TENM3: variants seen among roughly 807,000 people sequenced by gnomAD.
TENM3 encodes teneurin-3.
Under a neutral mutation model 255.1 loss-of-function variants are expected in TENM3, and 63 were observed. The ratio of observed to expected loss-of-function variants is 0.25; its 90% confidence interval spans 0.20 to 0.30. The LOEUF is 0.30. Ranked by LOEUF, TENM3 falls within the 10% of genes least tolerant of loss-of-function variation. The pLI, the probability that TENM3 is intolerant of heterozygous loss-of-function variation, is 1.00. For missense variants in TENM3, 2,929 were observed against 3,461.1 expected (o/e 0.85, Z 3.86); for synonymous variants, 1,306 against 1,322.3 (o/e 0.99, Z 0.27).
rs755334615 is a variant in TENM3, at chr4:182,616,053, C to T, written c.750-12598C>T. Among the ~76,000 whole-genome samples the T allele has an allele frequency of 1.1e-4, 17 of 152,294 alleles. No individual in the cohort carries two copies. The Middle Eastern group carries it at 0.017, about 152-fold the overall frequency. The stretch of plus-strand genomic sequence containing the variant: ...CCCAGACCTACTGTTGTAACAAGCC[C>T]GCCAGGTTACTCTGATGTAAGCTAA... On this transcript the variant is annotated intron_variant, in intron 4 of 27. Coordinates refer to ENST00000511685, the MANE Select transcript of TENM3 (RefSeq NM_001080477.4).
intron 3 of TENM3, among the ~76,000 whole-genome samples, chr4:182,487,000 A>G (rs544938204): frequency 1.1e-4 from 17 of 152,248 alleles, no homozygotes; most frequent in African/African-American, 3.6e-4. Context: ...CTCTTCCTCT[A>G]TGTGAGTCAT....
intron 1 of TENM3, among the ~76,000 whole-genome samples, chr4:182,310,038 T>C (rs1762353906): frequency 6.6e-6 from 1 of 152,252 alleles, no homozygotes; most frequent in Admixed American, 6.5e-5. Context: ...TTAAGTAACC[T>C]GTCCAAGGCC....
At chr4:182,243,164 G>T (rs898705544), upstream of TENM3, among the ~76,000 whole-genome samples, 2 of 152,160 alleles carry the variant, frequency 1.3e-5, no homozygotes, top group Admixed American at 6.5e-5. Flanking sequence ...GCTCAGGCTG[G>T]AGTGCAGTTG....
the TENM3 span, among the ~76,000 whole-genome samples, chr4:181,841,008 T>C: frequency 6.6e-6 from 1 of 152,128 alleles, no homozygotes; most frequent in East Asian, 1.9e-4. Context: ...TTTTAGGAAA[T>C]GTCAATGCTT....
chr4:181,957,063 G>C, the TENM3 span, among the ~76,000 whole-genome samples: 1 of 152,108 alleles, frequency 6.6e-6, no homozygotes, highest in Admixed American at 6.6e-5. Flanking sequence ...ATTTCAGTTG[G>C]CATTGCTGGA....
In TENM3 at chr4:182,446,308, T is replaced by C. The variant is rs570050268; in HGVS notation, c.511+99379T>C. 2.0e-5 allele frequency among the ~76,000 whole-genome samples: 3 copies of C among 152,308 alleles called. No individual in the cohort carries two copies. In the South Asian group the frequency reaches 6.2e-4, roughly 32 times the overall value. On this transcript the variant is annotated intron_variant, in intron 3 of 27. Coordinates refer to ENST00000511685, the MANE Select transcript of TENM3 (RefSeq NM_001080477.4). The stretch of plus-strand genomic sequence containing the variant: ...TGTAGAATACTCCAGTACACTCCAA[T>C]ATAAAATTTTGCCTAACCTGTATGT...
chr4:182,473,470 G>A (rs572632707), intron 3 of TENM3, among the ~76,000 whole-genome samples: 1 of 152,234 alleles, frequency 6.6e-6, no homozygotes, highest in East Asian at 1.9e-4. Context: ...TCAGGAGATC[G>A]AGACCATGCT....
chr4:182,737,948 G>A (rs1579296557), intron 17 of TENM3, among the ~76,000 whole-genome samples: 2 of 151,964 alleles, frequency 1.3e-5, no homozygotes, highest in East Asian at 3.9e-4. Context: ...GTCATAATCT[G>A]GCTAGCTTTT....
intron 3 of TENM3, among the ~76,000 whole-genome samples, chr4:182,390,739 A>G (rs1465016078): frequency 2.0e-5 from 3 of 152,202 alleles, no homozygotes; most frequent in Admixed American, 1.3e-4. Context: ...GTCAGTTTAT[A>G]GATCATCTCA....
chr4:182,271,685 T>A (rs1759638748), intron 1 of TENM3, among the ~76,000 whole-genome samples: 1 of 152,226 alleles, frequency 6.6e-6, no homozygotes, highest in African/African-American at 2.4e-5. Flanking sequence ...TTTACGGGGC[T>A]TCCCATCTTC....
Position 182,754,288 on chromosome 4 carries a change from A to G in TENM3, c.4018-97A>G. 7.7e-7 allele frequency: 1 copy of G among 1,303,188 alleles called. No homozygotes were observed. The highest frequency in any genetic ancestry group is 1.0e-6 in the Non-Finnish European group (1 of 967,988). 80.7% of individuals were successfully genotyped at this position (1,303,188 alleles called of 1,614,324 possible). On this transcript the variant is annotated intron_variant, in intron 21 of 27. Coordinates refer to ENST00000511685, the MANE Select transcript of TENM3 (RefSeq NM_001080477.4). The surrounding 1 kb of genome is among the most constrained non-coding windows in gnomAD (Gnocchi z 5.1). ...ACTATTATCAGACAGTTTATCTCAG[A>G]TTAATGCCAATTTCCCTGAATGGTC...
chr4:182,751,929 T>G lies in TENM3; in HGVS notation c.3759T>G (p.Asn1253Lys). ...CGGGGGCAAAAGACTTGACTAAAAA[T>G]GCAGAAGTCGTCGCAGGGACAGGGG... ...SLTGAKDLTK[N>K]AEVVAGTGEQ... Residue 1253 changes from asparagine to lysine, a missense_variant, in exon 20 of 28, where the codon AAT becomes AAG. Asn to Lys is a moderately conservative substitution (Grantham distance 94, BLOSUM62 0). Transcript: ENST00000511685. The G allele has an allele frequency of 1.2e-6, 2 of 1,613,890 alleles. No homozygotes were observed. The highest frequency in any genetic ancestry group is 1.7e-6 in the Non-Finnish European group (2 of 1,179,882).
the TENM3 span, among the ~76,000 whole-genome samples, chr4:181,856,135 AGAAGGAAG>A: frequency 5.2e-5 from 6 of 115,366 alleles, no homozygotes; most frequent in Non-Finnish European, 5.7e-5. Flanking sequence ...GAAAGAAGGA[AGAAGGAAG>A]GAAGGAAGGA....
At chr4:182,224,296 G>A (rs1463485770) in intron 1 of TENM3, among the ~76,000 whole-genome samples, 1 of 152,106 alleles carries the variant, frequency 6.6e-6, no homozygotes, top group African/African-American at 2.4e-5. Context: ...AGGAAATCCT[G>A]GCTTTGCTAA....
chr4:182,559,231 TG>T (rs1262795324), intron 3 of TENM3, among the ~76,000 whole-genome samples: 1 of 151,598 alleles, frequency 6.6e-6, no homozygotes, highest in East Asian at 1.9e-4. Context: ...AAGCAGTTTA[TG>T]TTGTAGATAT....
At chr4:181,645,207 A>G in the TENM3 span, among the ~76,000 whole-genome samples, 3 of 152,216 alleles carry the variant, frequency 2.0e-5, no homozygotes, top group African/African-American at 7.2e-5. Flanking sequence ...GGATGTTAGA[A>G]GCTTTTGGAA....
At chr4:181,511,931 GC>G in the TENM3 span, among the ~76,000 whole-genome samples, 1 of 152,094 alleles carries the variant, frequency 6.6e-6, no homozygotes, top group South Asian at 2.1e-4. Context: ...GGCACCGGGG[GC>G]CCCTAAGAGT....
the TENM3 span, among the ~76,000 whole-genome samples, chr4:181,908,223 T>C: frequency 6.6e-6 from 1 of 152,216 alleles, no homozygotes; most frequent in African/African-American, 2.4e-5. Context: ...GCCCATATAT[T>C]TTAAAGTGAC....
At chr4:182,663,836 CAACT>C (rs1754426011) in intron 6 of TENM3, among the ~76,000 whole-genome samples, 1 of 152,152 alleles carries the variant, frequency 6.6e-6, no homozygotes. Context: ...AAGGAATCAG[CAACT>C]AACTACTTTG....
Sources: allele counts gnomAD v4.1 joint callset (sites outside exome capture counted in the v4.1 genomes callset), GRCh38; gene constraint gnomAD v4.1.1; non-coding constraint Gnocchi (gnomAD v3.1); transcripts MANE v1.5; gene names NCBI Gene and HGNC (gene_info 2026-07-23, HGNC 2026-07-21).